The following RERE variants were observed in gnomAD, a reference collection of about 807,000 sequenced individuals.
The protein encoded by RERE is arginine-glutamic acid dipeptide repeats protein.
A neutral mutation model predicts 146.1 loss-of-function variants in RERE; 40 were observed. The observed-to-expected ratio is 0.27, with a 90% confidence interval of 0.21 to 0.36. RERE has a LOEUF of 0.36. Ranked by LOEUF, RERE falls within the 10% of genes least tolerant of loss-of-function variation. The pLI is 1.00. For synonymous variants in RERE, 1,003 were observed against 866.0 expected (o/e 1.16, Z -2.78); for missense variants, 1,933 against 2,138.7 (o/e 0.90, Z 1.90).
chr1:8,674,462 C>CA (rs1165073121), intron 1 of RERE, among the ~76,000 whole-genome samples: 4 of 152,072 alleles, frequency 2.6e-5, no homozygotes, highest in Non-Finnish European at 5.9e-5. Flanking sequence ...GTGATAACAC[C>CA]AAGCAGGACT....
chr1:8,445,618 C>T (rs564550456), intron 11 of RERE, among the ~76,000 whole-genome samples: 5 of 152,046 alleles, frequency 3.3e-5, no homozygotes, highest in African/African-American at 1.2e-4. Context: ...TGGTTCTGAA[C>T]CAACTGCAGA....
At chr1:8,713,481 C>T (rs1342625417) in intron 1 of RERE, among the ~76,000 whole-genome samples, 1 of 152,102 alleles carries the variant, frequency 6.6e-6, no homozygotes, top group South Asian at 2.1e-4. Flanking sequence ...CATCTATAAT[C>T]CTAGCACTTT....
intron 2 of RERE, among the ~76,000 whole-genome samples, chr1:8,644,436 A>G (rs1647232321): frequency 6.6e-6 from 1 of 152,146 alleles, no homozygotes; most frequent in African/African-American, 2.4e-5. Context: ...CTTCCCAACC[A>G]TTATGGGGGA....
At chr1:8,376,882 G>T (rs1429807940) in intron 12 of RERE, among the ~76,000 whole-genome samples, 1 of 152,206 alleles carries the variant, frequency 6.6e-6, no homozygotes. Flanking sequence ...AGGGATCCCA[G>T]GGTGGGTCTG....
At chr1:8,769,709 T>C (rs979054862) in intron 1 of RERE, among the ~76,000 whole-genome samples, 3 of 152,158 alleles carry the variant, frequency 2.0e-5, no homozygotes, top group African/African-American at 7.2e-5. Flanking sequence ...ACTCCTGGAC[T>C]CAAGCGATAC....
intron 7 of RERE, among the ~76,000 whole-genome samples, chr1:8,539,534 A>T (rs967784712): frequency 7.9e-5 from 12 of 151,968 alleles, no homozygotes; most frequent in African/African-American, 2.9e-4. Context: ...GCCTCCAGAG[A>T]AGCTGGGATT....
Position 8,656,071 on chromosome 1 carries a change from T to C in RERE, c.227A>G (p.Lys76Arg). 1 of 1,614,124 alleles carries C rather than the reference T, an allele frequency of 6.2e-7. No homozygotes were observed. Among genetic ancestry groups the C allele is most frequent in the Non-Finnish European group, 8.5e-7 (1 of 1,180,032 alleles). ...ATAEESTKKN[K>R]KKPPKKKSRY... is the part of the protein sequence containing the mutation. ...AGACTTTTTTTTCGGTGGTTTCTTCTTATTCTTCTTCGTGGACTCCTCTGC... is the reference window on the plus strand; with the variant it reads ...AGACTTTTTTTTCGGTGGTTTCTTCCTATTCTTCTTCGTGGACTCCTCTGC... The change falls in exon 2 of 23, where the codon AAG becomes AGG. Residue 76 changes from lysine (K) to arginine (R), a missense_variant. By Grantham distance (26) the Lys-to-Arg change is conservative. Transcript: ENST00000400908.
chr1:8,621,782 C>A (rs1472465738), intron 3 of RERE, among the ~76,000 whole-genome samples: 3 of 152,168 alleles, frequency 2.0e-5, no homozygotes, highest in African/African-American at 7.2e-5. Flanking sequence ...AGAAACAAAG[C>A]TTATTTCCTT....
At chr1:8,486,909 C>T (rs529040983) in intron 10 of RERE, among the ~76,000 whole-genome samples, 9 of 152,062 alleles carry the variant, frequency 5.9e-5, no homozygotes, top group Admixed American at 3.9e-4. Context: ...ACAGGAAGAA[C>T]GATTTCCCAA....
intron 4 of RERE, among the ~76,000 whole-genome samples, chr1:8,595,373 T>C (rs969237382): frequency 1.3e-5 from 2 of 151,980 alleles, no homozygotes; most frequent in African/African-American, 4.8e-5. Flanking sequence ...AATAAAAACT[T>C]TTCTGTTGTC....
intron 12 of RERE, among the ~76,000 whole-genome samples, chr1:8,405,919 G>A (rs1342449411): frequency 1.3e-5 from 2 of 152,164 alleles, no homozygotes; most frequent in African/African-American, 4.8e-5. Flanking sequence ...ACAGGTGTGA[G>A]CCACCGCAGC....
chr1:8,522,293 T>A (rs981085035), intron 7 of RERE, among the ~76,000 whole-genome samples: 2 of 152,244 alleles, frequency 1.3e-5, no homozygotes, highest in African/African-American at 4.8e-5. Context: ...TCTCATCCTG[T>A]CAGACATTTA....
Position 8,369,766 on chromosome 1 carries a change from G to A in RERE, c.1285-3792C>T, listed in dbSNP as rs193065113. Among the ~76,000 whole-genome samples the A allele has an allele frequency of 7.2e-5, 11 of 151,980 alleles. No individual in the cohort carries two copies. In the South Asian group the frequency reaches 8.3e-4, roughly 11 times the overall value. Reference sequence around the variant, plus strand: ...AAAATTCTCACACACAGACTTTCACGGATACATTCATAGAAACTATTCTAT... The same window carrying A: ...AAAATTCTCACACACAGACTTTCACAGATACATTCATAGAAACTATTCTAT... On this transcript the variant is annotated intron_variant, in intron 12 of 22. Transcript: ENST00000400908.
intron 1 of RERE, among the ~76,000 whole-genome samples, chr1:8,802,310 A>G (rs1303162611): frequency 6.6e-6 from 1 of 152,206 alleles, no homozygotes; most frequent in Non-Finnish European, 1.5e-5. Context: ...TACAGCTTCA[A>G]ATACAAATTA....
chr1:8,656,182 C>T lies in RERE; in HGVS notation c.116G>A (p.Arg39Gln), dbSNP rs199717815. Residue 39 changes from arginine to glutamine, a missense_variant, in exon 2 of 23, where the codon CGG becomes CAG. Physicochemically the swap from Arg to Gln is conservative, Grantham distance 43. This residue lies in a region of RERE where 107 missense variants were observed against 119.7 expected (regional missense o/e 0.89). Coordinates refer to ENST00000400908, the MANE Select transcript of RERE (RefSeq NM_001042681.2). Reference sequence around the variant, plus strand: ...GGCTCCTCCTTCCAAGGTACAGCTCCGGCGTGGCCTTGAATTCTCACTCTC... The same window carrying T: ...GGCTCCTCCTTCCAAGGTACAGCTCTGGCGTGGCCTTGAATTCTCACTCTC... ...ARESENSRPR[R>Q]SCTLEGGAKN... is the part of the protein sequence containing the mutation. The T allele has an allele frequency of 3.7e-6, 6 of 1,613,506 alleles. No individual in the cohort carries two copies. Among genetic ancestry groups the T allele is most frequent in the East Asian group, 2.2e-5 (1 of 44,898 alleles).
chr1:8,525,800 T>A (rs901630044), intron 7 of RERE: 17 of 1,595,662 alleles, frequency 1.1e-5, no homozygotes, highest in Non-Finnish European at 1.4e-5. Flanking sequence ...ACACGGGCTC[T>A]GGTGAGTCTA....
At chr1:8,395,892 A>G (rs1643038920) in intron 12 of RERE, among the ~76,000 whole-genome samples, 1 of 152,174 alleles carries the variant, frequency 6.6e-6, no homozygotes, top group Non-Finnish European at 1.5e-5. Context: ...GGAACACGGG[A>G]GCACAAATCT....
At chr1:8,671,657 T>C (rs1638720772) in intron 1 of RERE, among the ~76,000 whole-genome samples, 2 of 152,218 alleles carry the variant, frequency 1.3e-5, no homozygotes, top group South Asian at 4.1e-4. Flanking sequence ...TGTTAACATT[T>C]CTGAGGGCCT....
intron 12 of RERE, among the ~76,000 whole-genome samples, chr1:8,415,830 TA>T (rs1306327757): frequency 3.3e-5 from 5 of 152,220 alleles, no homozygotes; most frequent in Non-Finnish European, 7.3e-5. Context: ...CAGGAATAGC[TA>T]TAGGATCACA....
Sources: allele counts gnomAD v4.1 joint callset (sites outside exome capture counted in the v4.1 genomes callset), GRCh38; gene constraint gnomAD v4.1.1; regional missense constraint gnomAD v4.1.1; transcripts MANE v1.5; gene names NCBI Gene and HGNC (gene_info 2026-07-23, HGNC 2026-07-21).